Variants in CTNNBL1 observed in about 807,000 individuals in gnomAD.
CTNNBL1 encodes catenin beta like 1, also known as beta-catenin-like protein 1.
Under a neutral mutation model 72.7 loss-of-function variants are expected in CTNNBL1, and 31 were observed. The ratio of observed to expected loss-of-function variants is 0.43; its 90% confidence interval spans 0.32 to 0.58. The LOEUF (loss-of-function observed/expected upper bound fraction) is 0.58, where lower values mean the gene tolerates loss of function less well. Among genes scored for constraint, CTNNBL1 ranks in the 20% least tolerant of loss-of-function variants. CTNNBL1 has a pLI of 0.08. For synonymous variants in CTNNBL1, 240 were observed against 267.3 expected (o/e 0.90, Z 1.00); for missense variants, 534 against 725.1 (o/e 0.74, Z 3.03).
chr20:37,746,396 G>T (rs2073262800), intron 3 of CTNNBL1, 72 bp from the exon 4 acceptor site: 1 of 1,535,880 alleles, frequency 6.5e-7, no homozygotes, highest in Non-Finnish European at 8.9e-7. Flanking sequence ...TTGTTGTCTA[G>T]ATTGTTGCTG....
intron 4 of CTNNBL1, among the ~76,000 whole-genome samples, 200 bp downstream of exon 4, chr20:37,746,807 T>G (rs1249512870): frequency 6.6e-6 from 1 of 152,242 alleles, no homozygotes; most frequent in African/African-American, 2.4e-5. Flanking sequence ...ATCTTGCAAA[T>G]CTTGGGCAAT....
At chr20:37,871,870 C>A in intron 15 of CTNNBL1, 55 bp from the exon 16 acceptor site, 1 of 1,489,850 alleles carries the variant, frequency 6.7e-7, no homozygotes, top group Non-Finnish European at 9.4e-7. Context: ...AGCGACGCAG[C>A]CACGGTGGAT....
At chr20:37,799,580 A>T (rs1401852438) in intron 10 of CTNNBL1, among the ~76,000 whole-genome samples, 5 of 152,196 alleles carry the variant, frequency 3.3e-5, no homozygotes, top group Admixed American at 2.0e-4. Flanking sequence ...AAGGCAAATT[A>T]TCTCCTCTTC....
rs1568821735 is a variant in CTNNBL1 at position 37,871,907 on chromosome 20, CTA to C, written c.1604-16_1604-15del. On this transcript the variant is annotated splice_polypyrimidine_tract_variant and intron_variant, in intron 15 of 15. Coordinates refer to ENST00000361383, the MANE Select transcript of CTNNBL1 (RefSeq NM_030877.5). The stretch of plus-strand genomic sequence containing the variant: ...CCATGCCTGGGATCCACTCCTGACT[CTA>C]TCTTTGTCCCCCTAGAGTATGCAGA... The C allele has an allele frequency of 6.2e-6, 10 of 1,610,536 alleles. No individual in the cohort carries two copies. The South Asian group carries it at 9.9e-5, about 16-fold the overall frequency.
At chr20:37,795,625 T>A (rs1198497644) in intron 10 of CTNNBL1, among the ~76,000 whole-genome samples, 1 of 152,226 alleles carries the variant, frequency 6.6e-6, no homozygotes, top group South Asian at 2.1e-4. Context: ...GCAGTGTTAA[T>A]CTCATCTACT....
intron 13 of CTNNBL1, among the ~76,000 whole-genome samples, chr20:37,843,209 C>G (rs1046659587): frequency 2.0e-5 from 3 of 152,218 alleles, no homozygotes; most frequent in African/African-American, 4.8e-5. Context: ...TATAAAATGA[C>G]GCCTGGCTTA....
intron 4 of CTNNBL1, chr20:37,756,348 T>G (rs978083770): frequency 6.6e-6 from 1 of 152,108 alleles, no homozygotes; most frequent in Non-Finnish European, 1.5e-5. Flanking sequence ...GTTCAGTACT[T>G]TAGTCATCAT....
At chr20:37,781,300 C>A (rs1205917838) in intron 10 of CTNNBL1, among the ~76,000 whole-genome samples, 1 of 152,134 alleles carries the variant, frequency 6.6e-6, no homozygotes, top group African/African-American at 2.4e-5. Context: ...CCTTAAGCTT[C>A]TTAAAGGTCT....
At chr20:37,730,264 A>G (rs2073118187) in intron 1 of CTNNBL1, among the ~76,000 whole-genome samples, 1 of 152,234 alleles carries the variant, frequency 6.6e-6, no homozygotes, top group African/African-American at 2.4e-5. Flanking sequence ...TGGTAGTAAC[A>G]TACCACATTG....
chr20:37,759,317 G>A lies in CTNNBL1; in HGVS notation c.564+1661G>A, dbSNP rs886816212. The stretch of plus-strand genomic sequence containing the variant: ...GTTTGTGCAGTCTTACCTTCCAGAG[G>A]TTAATTACATGGCCCTGAATGAGCC... On this transcript the variant is annotated intron_variant, in intron 5 of 15. Transcript: ENST00000361383. Among the ~76,000 whole-genome samples, 16 of 152,142 alleles carry A rather than the reference G, an allele frequency of 1.1e-4. 1 individual carries two copies. Among genetic ancestry groups the A allele is most frequent in the Non-Finnish European group, 2.2e-4 (15 of 68,024 alleles).
In CTNNBL1 at chr20:37,737,566, C is replaced by T. The variant is rs570160045; in HGVS notation, c.326+82C>T. ...TTGTTTTGATTTTGGTTTGTTTTGG[C>T]TTTTGTGATTTGGGCCAGGAATCCC... On this transcript the variant is annotated intron_variant, in intron 3 of 15. Coordinates refer to ENST00000361383, the MANE Select transcript of CTNNBL1 (RefSeq NM_030877.5). 6.8e-4 allele frequency: 655 copies of T among 960,904 alleles called. 11 individuals are homozygous for T. In the South Asian group the frequency reaches 1.0e-2, roughly 15 times the overall value. The allele number at this position is 960,904 out of a possible 1,614,324, so 59.5% of individuals were successfully genotyped here. A position where few individuals can be genotyped will look rare whatever the true frequency, so the allele number is the denominator to read the frequency against.
rs750413413 is a variant in CTNNBL1, at chr20:37,757,579, G to T, written c.487G>T (p.Asp163Tyr). The change falls in exon 5 of 16, where the codon GAT (aspartate) becomes TAT (tyrosine). Residue 163 changes from aspartate (D) to tyrosine (Y), a missense_variant. Physicochemically the swap from Asp to Tyr is radical, Grantham distance 160 (BLOSUM62 -3). Coordinates refer to ENST00000361383, the MANE Select transcript of CTNNBL1 (RefSeq NM_030877.5). ...DNTDVSIAVV[D>Y]LLQELTDIDT... ...TTCACATGTGTCCATAGCTGTGGTC[G>T]ATTTGCTTCAGGAATTAACAGATAT... The T allele has an allele frequency of 6.2e-7, 1 of 1,613,576 alleles. No individual in the cohort carries two copies. Among genetic ancestry groups the T allele is most frequent in the African/African-American group, 1.3e-5 (1 of 74,914 alleles).
chr20:37,756,664 G>T (rs748640910), intron 4 of CTNNBL1, among the ~76,000 whole-genome samples: 2 of 137,744 alleles, frequency 1.5e-5, no homozygotes, highest in African/African-American at 2.8e-5. Context: ...TTGAGACAGG[G>T]TCTCACTCTG....
At chr20:37,704,514 A>G (rs192791043) in intron 1 of CTNNBL1, among the ~76,000 whole-genome samples, 30 of 152,088 alleles carry the variant, frequency 2.0e-4, no homozygotes, top group Admixed American at 4.6e-4. Flanking sequence ...CAGGAGTTTG[A>G]GACCAGCCTG....
chr20:37,706,963 G>A (rs919753234), intron 1 of CTNNBL1, among the ~76,000 whole-genome samples: 9 of 152,128 alleles, frequency 5.9e-5, no homozygotes. Context: ...AGACCTCTTG[G>A]GTGACCAGAT....
At chr20:37,821,558 A>T (rs1246095105) in intron 11 of CTNNBL1, among the ~76,000 whole-genome samples, 4 of 152,184 alleles carry the variant, frequency 2.6e-5, no homozygotes, top group African/African-American at 9.7e-5. Context: ...TTTTAAGGCA[A>T]CCTTAGACAT....
intron 15 of CTNNBL1, among the ~76,000 whole-genome samples, chr20:37,871,476 G>C (rs925216185): frequency 6.6e-6 from 1 of 152,192 alleles, no homozygotes; most frequent in Admixed American, 6.5e-5. Flanking sequence ...AAAGGGTCTT[G>C]AGAGTTCCCT....
intron 7 of CTNNBL1, among the ~76,000 whole-genome samples, chr20:37,769,003 T>G (rs1022342694): frequency 6.6e-6 from 1 of 152,214 alleles, no homozygotes; most frequent in African/African-American, 2.4e-5. Context: ...AGTCTCGAAC[T>G]CCTGATCTCA....
In CTNNBL1 at chr20:37,765,297, G is replaced by C. The variant is rs940401166; in HGVS notation, c.658+7G>C. 2.6e-6 allele frequency: 4 copies of C among 1,534,714 alleles called. No individual in the cohort carries two copies. The highest frequency in any genetic ancestry group is 3.5e-6 in the Non-Finnish European group (4 of 1,131,556). Reference sequence around the variant, plus strand: ...GGCGTCCACAACACTCTGGGTGAGAGGAAGGGTGCTTGCCATTGCCTGAGT... The same window carrying C: ...GGCGTCCACAACACTCTGGGTGAGACGAAGGGTGCTTGCCATTGCCTGAGT... On this transcript the variant is annotated splice_region_variant and intron_variant, in intron 6 of 15. Coordinates refer to ENST00000361383, the MANE Select transcript of CTNNBL1 (RefSeq NM_030877.5).
Sources: allele counts gnomAD v4.1 joint callset (sites outside exome capture counted in the v4.1 genomes callset), GRCh38; gene constraint gnomAD v4.1.1; transcripts MANE v1.5; gene names NCBI Gene and HGNC (gene_info 2026-07-23, HGNC 2026-07-21).